The following FAM53A variants were observed in gnomAD, a reference collection of about 807,000 sequenced individuals.
FAM53A encodes the protein family with sequence similarity 53 member A.
In FAM53A, 28 loss-of-function variants were observed where a neutral mutation model predicts 26.6. That is an observed-to-expected ratio of 1.05 (90% CI 0.78 to 1.45). The LOEUF is 1.45. Among genes scored for constraint, FAM53A ranks in the 40% most tolerant of loss-of-function variants. The pLI, the probability that FAM53A is intolerant of heterozygous loss-of-function variation, is 0.00. For synonymous variants in FAM53A, 290 were observed against 253.1 expected (o/e 1.15, Z -1.38); for missense variants, 650 against 575.8 (o/e 1.13, Z -1.32).
chr4:1,596,791 C>CAGAGACAGAGACAAGGGG, the FAM53A span, among the ~76,000 whole-genome samples: 12 of 151,766 alleles, frequency 7.9e-5, no homozygotes, highest in Non-Finnish European at 1.3e-4. Flanking sequence ...GAGAGAGAGA[C>CAGAGACAGAGACAAGGGG]AGAGACAGAG....
rs1027459686 is a variant in FAM53A at position 1,643,855 on chromosome 4, C to T, written c.883-2248G>A. Among the ~76,000 whole-genome samples the T allele has an allele frequency of 4.6e-5, 7 of 152,196 alleles. No homozygotes were observed. In the South Asian group the frequency reaches 1.4e-3, roughly 31 times the overall value. ...GTGCTGGGATTACAAGCATGAGCCACCACGCCCAGCCCCACTCAAATCTTT... is the reference window on the plus strand; with the variant it reads ...GTGCTGGGATTACAAGCATGAGCCATCACGCCCAGCCCCACTCAAATCTTT... On this transcript the variant is annotated intron_variant, in intron 4 of 4. Transcript: ENST00000308132.
Position 1,659,231 on chromosome 4 carries a change from C to CG in FAM53A, c.76-1764dup, listed in dbSNP as rs1010000154. Among the ~76,000 whole-genome samples, 1 of 152,136 alleles carries CG rather than the reference C, an allele frequency of 6.6e-6. No homozygotes were observed. Among genetic ancestry groups the CG allele is most frequent in the Admixed American group, 6.5e-5 (1 of 15,280 alleles). On this transcript the variant is annotated intron_variant, in intron 2 of 4. Coordinates refer to ENST00000308132, the MANE Select transcript of FAM53A (RefSeq NM_001174070.3). This position sits in a 1 kb window ranked among gnomAD's most constrained non-coding sequence, Gnocchi z 5.2. The stretch of plus-strand genomic sequence containing the variant: ...ACACGACCTCCAGGTTCTCCCACCC[C>CG]GGGACCCGGGTCCGATGGAAGAGAG...
downstream of FAM53A, among the ~76,000 whole-genome samples, chr4:1,616,744 C>T (rs376479249): frequency 2.0e-5 from 3 of 152,228 alleles, no homozygotes; most frequent in African/African-American, 4.8e-5. Context: ...TTGCCTGCTT[C>T]GGTCTGTCCC....
At chr4:1,606,755 C>T in the FAM53A span, among the ~76,000 whole-genome samples, 4 of 152,192 alleles carry the variant, frequency 2.6e-5, no homozygotes, top group Non-Finnish European at 5.9e-5. Flanking sequence ...CGTTCCCCTG[C>T]GAGGGACTCG....
At chr4:1,629,065 G>A (rs1306832084) in intron 1 of FAM53A, among the ~76,000 whole-genome samples, 2 of 151,988 alleles carry the variant, frequency 1.3e-5, no homozygotes, top group Non-Finnish European at 2.9e-5. Context: ...ACCCCAGGAT[G>A]TGCGCCATGC....
chr4:1,662,197 TG>T (rs1255739285), intron 2 of FAM53A, among the ~76,000 whole-genome samples: 1 of 151,754 alleles, frequency 6.6e-6, no homozygotes, highest in African/African-American at 2.4e-5. Flanking sequence ...TAGCTGGGTG[TG>T]GGGTGGGCGT....
chr4:1,677,654 C>T lies in FAM53A; in HGVS notation c.-165+6579G>A, dbSNP rs555828870. ...TGCTCACTCTGGCTCTCCATTCACACAGAGAGGGAAGAGCTGTCAACACGC... is the reference window on the plus strand; with the variant it reads ...TGCTCACTCTGGCTCTCCATTCACATAGAGAGGGAAGAGCTGTCAACACGC... On this transcript the variant is annotated intron_variant, in intron 1 of 4. Coordinates refer to ENST00000308132, the MANE Select transcript of FAM53A (RefSeq NM_001174070.3). Among the ~76,000 whole-genome samples, 6 of 152,312 alleles carry T rather than the reference C, an allele frequency of 3.9e-5. 1 individual carries two copies. Among genetic ancestry groups the T allele is most frequent in the Non-Finnish European group, 2.9e-5 (2 of 68,036 alleles).
the FAM53A span, among the ~76,000 whole-genome samples, chr4:1,579,416 G>T: frequency 6.6e-6 from 1 of 151,666 alleles, no homozygotes; most frequent in Non-Finnish European, 1.5e-5. Context: ...CCCTGCGTGG[G>T]CGCCTGCGCC....
rs753566894 is a variant in FAM53A at position 1,655,122 on chromosome 4, C to G, written c.738G>C (p.Thr246=). ...GCCCACGGCGCCCGCCCAGCGCAGG[C>G]GTGGACGTGGGGCTGCTGCTGGCCC... ...LPWASSSPTS[T]PALGGRRGLL... Residue 246 remains threonine (T), a synonymous_variant, in exon 4 of 5, where the codon ACG becomes ACC. Coordinates refer to ENST00000308132, the MANE Select transcript of FAM53A (RefSeq NM_001174070.3). The G allele has an allele frequency of 6.3e-7, 1 of 1,596,060 alleles. No individual in the cohort carries two copies. Among genetic ancestry groups the G allele is most frequent in the Non-Finnish European group, 8.5e-7 (1 of 1,171,794 alleles).
chr4:1,579,645 G>A, the FAM53A span, among the ~76,000 whole-genome samples: 1 of 152,206 alleles, frequency 6.6e-6, no homozygotes, highest in Non-Finnish European at 1.5e-5. Context: ...TCCCAGCGCC[G>A]CTGCGAGGCG....
the FAM53A span, among the ~76,000 whole-genome samples, chr4:1,608,350 G>A: frequency 6.6e-6 from 1 of 152,078 alleles, no homozygotes; most frequent in Non-Finnish European, 1.5e-5. Flanking sequence ...CCCCGTCCTG[G>A]GTGCCCCCAG....
At chr4:1,635,849 T>C (rs1031111251), downstream of FAM53A, among the ~76,000 whole-genome samples, 1 of 139,120 alleles carries the variant, frequency 7.2e-6, no homozygotes, top group Admixed American at 7.5e-5. Flanking sequence ...TTTTTTTTTT[T>C]TTTTTTTTTT....
the FAM53A span, among the ~76,000 whole-genome samples, chr4:1,582,350 G>A: frequency 6.6e-6 from 1 of 152,302 alleles, no homozygotes; most frequent in South Asian, 2.1e-4. Context: ...GGACCCAGCT[G>A]AACGACACTC....
At chr4:1,593,069 C>T in the FAM53A span, among the ~76,000 whole-genome samples, 1 of 152,196 alleles carries the variant, frequency 6.6e-6, no homozygotes, top group Admixed American at 6.5e-5. Context: ...CACGAGCGGG[C>T]GCAGCAGAGG....
chr4:1,647,337 GAA>G (rs757995804), intron 4 of FAM53A, among the ~76,000 whole-genome samples: 9 of 127,300 alleles, frequency 7.1e-5, no homozygotes, highest in Admixed American at 1.6e-4. Flanking sequence ...TCCATCTCGG[GAA>G]AAAAAAAAAA....
At chr4:1,654,484 A>G (rs1431623419) in intron 4 of FAM53A, among the ~76,000 whole-genome samples, 4 of 152,256 alleles carry the variant, frequency 2.6e-5, no homozygotes, top group Non-Finnish European at 5.9e-5. Context: ...GTGCCTGTAC[A>G]GTCCCAAAGC....
At chr4:1,633,757 TG>T (rs1715716543) in intron 1 of FAM53A, among the ~76,000 whole-genome samples, 1 of 151,758 alleles carries the variant, frequency 6.6e-6, no homozygotes. Flanking sequence ...CCCAGGAGAT[TG>T]AAAGTGACAG....
Position 1,640,320 on chromosome 4 carries a change from C to G in FAM53A, c.*973G>C, listed in dbSNP as rs1403471851. The G allele has an allele frequency of 4.6e-6, 1 of 217,994 alleles. No individual in the cohort carries two copies. Among genetic ancestry groups the G allele is most frequent in the Non-Finnish European group, 8.9e-6 (1 of 111,956 alleles). 13.5% of individuals were successfully genotyped at this position (217,994 alleles called of 1,614,324 possible). ...GGCACAGATGCCCATGCGCAAGCCC[C>G]AAGCACCGTGACCCGTCGGGAGGGG... On this transcript the variant is annotated 3_prime_UTR_variant, in exon 5 of 5. Coordinates refer to ENST00000308132, the MANE Select transcript of FAM53A (RefSeq NM_001174070.3).
the FAM53A span, among the ~76,000 whole-genome samples, chr4:1,586,031 C>G: frequency 6.6e-6 from 1 of 152,322 alleles, no homozygotes. Context: ...GCCACCTCAC[C>G]CAGCTTCCTT....
Sources: allele counts gnomAD v4.1 joint callset (sites outside exome capture counted in the v4.1 genomes callset), GRCh38; gene constraint gnomAD v4.1.1; non-coding constraint Gnocchi (gnomAD v3.1); transcripts MANE v1.5; gene names NCBI Gene and HGNC (gene_info 2026-07-23, HGNC 2026-07-21).